MCTP1: variants seen among roughly 807,000 people sequenced by gnomAD.
MCTP1 encodes multiple C2 and transmembrane domain containing 1.
MCTP1 carries 69 observed loss-of-function variants against 120.6 expected under a neutral mutation model. The observed-to-expected ratio is 0.57, with a 90% confidence interval of 0.47 to 0.70. The LOEUF (loss-of-function observed/expected upper bound fraction) is 0.70. Ranked by LOEUF, MCTP1 falls within the 30% of genes least tolerant of loss-of-function variation. MCTP1 has a pLI of 0.00. For synonymous variants in MCTP1, 529 were observed against 493.1 expected (o/e 1.07, Z -0.96); for missense variants, 1,203 against 1,248.8 (o/e 0.96, Z 0.55).
At chr5:95,174,325 TATC>T (rs1747716825) in intron 1 of MCTP1, among the ~76,000 whole-genome samples, 1 of 152,070 alleles carries the variant, frequency 6.6e-6, no homozygotes, top group Non-Finnish European at 1.5e-5. Flanking sequence ...TAATGCTCAT[TATC>T]ATAAAATTTC....
Position 95,164,263 on chromosome 5 carries a change from A to AT in MCTP1, c.720+119592dup, listed in dbSNP as rs1257171270. Among the ~76,000 whole-genome samples, 8 of 151,990 alleles carry AT rather than the reference A, an allele frequency of 5.3e-5. No homozygotes were observed. The East Asian group carries it at 1.2e-3, about 22-fold the overall frequency. Reference sequence around the variant, plus strand: ...ATGTAAACAATTGAACTCACTTTTAATTTTTTCTGTAAATCACTTTCCTTT... The same window carrying AT: ...ATGTAAACAATTGAACTCACTTTTAATTTTTTTCTGTAAATCACTTTCCTTT... On this transcript the variant is annotated intron_variant, in intron 1 of 22. Transcript: ENST00000515393.
intron 1 of MCTP1, among the ~76,000 whole-genome samples, chr5:95,057,641 G>A (rs1747767934): frequency 6.6e-6 from 1 of 152,092 alleles, no homozygotes; most frequent in Non-Finnish European, 1.5e-5. Context: ...CAAACTTCCT[G>A]ATAATTTGGG....
At chr5:95,195,880 T>C (rs1750333139) in intron 1 of MCTP1, among the ~76,000 whole-genome samples, 1 of 152,162 alleles carries the variant, frequency 6.6e-6, no homozygotes, top group Admixed American at 6.5e-5. Context: ...ATAGTACCAA[T>C]GTGTAAATGT....
intron 1 of MCTP1, among the ~76,000 whole-genome samples, chr5:95,262,052 C>T (rs1392502463): frequency 4.6e-5 from 7 of 152,186 alleles, no homozygotes; most frequent in Non-Finnish European, 8.8e-5. Context: ...CTGAGGCCAA[C>T]GGCAATGCCT....
At chr5:95,148,860 T>C (rs1174327218) in intron 1 of MCTP1, among the ~76,000 whole-genome samples, 18 of 152,228 alleles carry the variant, frequency 1.2e-4, no homozygotes, top group Admixed American at 1.2e-3. Flanking sequence ...GTTGGCTTCA[T>C]TTCTGGGTGC....
chr5:94,944,151 G>T (rs2153513102), intron 3 of MCTP1, among the ~76,000 whole-genome samples: 1 of 152,102 alleles, frequency 6.6e-6, no homozygotes, highest in South Asian at 2.1e-4. Context: ...ATTACAAAAG[G>T]ATTCTTAGAT....
At chr5:95,004,129 G>A (rs146313540) in intron 2 of MCTP1, among the ~76,000 whole-genome samples, 233 of 152,264 alleles carry the variant, frequency 1.5e-3, no homozygotes, top group African/African-American at 4.8e-3. Context: ...GTGGCATTGC[G>A]TTTCTGCTCT....
At chr5:94,734,579 TCCC>T (rs1763793634) in intron 19 of MCTP1, among the ~76,000 whole-genome samples, 1 of 152,194 alleles carries the variant, frequency 6.6e-6, no homozygotes, top group Non-Finnish European at 1.5e-5. Flanking sequence ...CACTTCAGCC[TCCC>T]AAGTAGCTGG....
chr5:94,948,686 C>T (rs944070730), intron 3 of MCTP1, among the ~76,000 whole-genome samples: 1 of 151,994 alleles, frequency 6.6e-6, no homozygotes, highest in African/African-American at 2.4e-5. Flanking sequence ...CCCAGAATAA[C>T]CTATTGAGGT....
intron 19 of MCTP1, chr5:94,739,178 A>G (rs1198315264): frequency 6.6e-6 from 1 of 152,226 alleles, no homozygotes; most frequent in African/African-American, 2.4e-5. Flanking sequence ...GTTGTGATTT[A>G]TGAATACCAT....
At chr5:95,122,672 G>A (rs1180757004) in intron 1 of MCTP1, among the ~76,000 whole-genome samples, 5 of 152,110 alleles carry the variant, frequency 3.3e-5, no homozygotes, top group Non-Finnish European at 5.9e-5. Context: ...AAGGAATTCA[G>A]TATATTGAAG....
intron 1 of MCTP1, among the ~76,000 whole-genome samples, chr5:95,045,920 C>T (rs1843056399): frequency 6.6e-6 from 1 of 152,094 alleles, no homozygotes. Flanking sequence ...GGGAAAGTGG[C>T]TGAACCTCTT....
At chr5:94,993,394 A>G (rs1831992175) in intron 2 of MCTP1, among the ~76,000 whole-genome samples, 1 of 152,212 alleles carries the variant, frequency 6.6e-6, no homozygotes. Flanking sequence ...CTGGAACATA[A>G]TAAATGATGA....
At chr5:94,847,719 G>A (rs1306770083) in intron 17 of MCTP1, among the ~76,000 whole-genome samples, 5 of 149,476 alleles carry the variant, frequency 3.3e-5, no homozygotes, top group Non-Finnish European at 5.9e-5. Context: ...TGTTGGGGGT[G>A]TAAATTTGAG....
At chr5:95,008,319 A>C (rs1362113643) in intron 2 of MCTP1, among the ~76,000 whole-genome samples, 3 of 152,126 alleles carry the variant, frequency 2.0e-5, no homozygotes, top group African/African-American at 7.2e-5. Flanking sequence ...TTCATTGGAG[A>C]AACCCTATAT....
intron 12 of MCTP1, among the ~76,000 whole-genome samples, chr5:94,878,294 T>C (rs1799337057): frequency 6.6e-6 from 1 of 152,162 alleles, no homozygotes; most frequent in Non-Finnish European, 1.5e-5. Context: ...GCTTTGGCCT[T>C]ATCCTTTTCC....
At chr5:95,080,995 T>C (rs774683084) in intron 1 of MCTP1, among the ~76,000 whole-genome samples, 3 of 152,186 alleles carry the variant, frequency 2.0e-5, no homozygotes, top group Admixed American at 6.5e-5. Context: ...TTTATTTCAA[T>C]TGAAAAATAT....
chr5:95,284,643 G>C lies in MCTP1; in HGVS notation c.-68C>G. 1 of 1,270,832 alleles carries C rather than the reference G, an allele frequency of 7.9e-7. No homozygotes were observed. The highest frequency in any genetic ancestry group is 3.1e-5 in the East Asian group (1 of 32,590). The allele number at this position is 1,270,832 out of a possible 1,614,324, so 78.7% of individuals were successfully genotyped here. On this transcript the variant is annotated 5_prime_UTR_variant, in exon 1 of 23. Transcript: ENST00000515393. This position sits in a 1 kb window ranked among gnomAD's most constrained non-coding sequence, Gnocchi z 5.2. ...TCCTCCTGCTTCTCCTCCCTCTTCGGCTGCACCTCCTCCCGGGTCCCCGCG... is the reference window on the plus strand; with the variant it reads ...TCCTCCTGCTTCTCCTCCCTCTTCGCCTGCACCTCCTCCCGGGTCCCCGCG...
intron 7 of MCTP1, among the ~76,000 whole-genome samples, chr5:94,920,577 T>TA (rs1425749959): frequency 1.3e-5 from 2 of 151,720 alleles, no homozygotes; most frequent in Non-Finnish European, 2.9e-5. Context: ...CCGTCTCTAC[T>TA]AACAATACAA....
Sources: allele counts gnomAD v4.1 joint callset (sites outside exome capture counted in the v4.1 genomes callset), GRCh38; gene constraint gnomAD v4.1.1; non-coding constraint Gnocchi (gnomAD v3.1); transcripts MANE v1.5; gene names NCBI Gene and HGNC (gene_info 2026-07-23, HGNC 2026-07-21).